GGA2: variants seen among roughly 807,000 people sequenced by gnomAD.
The protein encoded by GGA2 is ADP-ribosylation factor-binding protein GGA2.
A neutral mutation model predicts 79.5 loss-of-function variants in GGA2; 48 were observed. The ratio of observed to expected loss-of-function variants is 0.60; its 90% CI spans 0.48 to 0.77. GGA2 has a LOEUF of 0.77. Among genes scored for constraint, GGA2 ranks in the 30% least tolerant of loss-of-function variants. The pLI is 0.00. For missense variants in GGA2, 770 were observed against 774.0 expected (o/e 0.99, Z 0.06); for synonymous variants, 317 against 302.0 (o/e 1.05, Z -0.51).
In GGA2 at chr16:23,499,248, G is replaced by A. The variant is rs571403105; in HGVS notation, c.92-3470C>T. 2.6e-5 allele frequency among the ~76,000 whole-genome samples: 4 copies of A among 151,622 alleles called. No individual in the cohort carries two copies. In the East Asian group the frequency reaches 5.9e-4, roughly 22 times the overall value. On this transcript the variant is annotated intron_variant, in intron 1 of 16. Transcript: ENST00000309859. ...CAACCTCCGCCTCCCGGGTTCAAGCGATTCTCCGGCCTCAGCCTCTAGAGT... is the reference window on the plus strand; with the variant it reads ...CAACCTCCGCCTCCCGGGTTCAAGCAATTCTCCGGCCTCAGCCTCTAGAGT...
At chr16:23,492,465 TA>T (rs1192535084) in intron 4 of GGA2, among the ~76,000 whole-genome samples, 2 of 151,678 alleles carry the variant, frequency 1.3e-5, no homozygotes, top group Non-Finnish European at 2.9e-5. Flanking sequence ...CAATGATGTG[TA>T]AAAAAACAAA....
intron 1 of GGA2, chr16:23,521,690 AC>A: frequency 2.2e-6 from 1 of 455,100 alleles, no homozygotes; most frequent in South Asian, 1.5e-5. Flanking sequence ...TCCTTTTGTG[AC>A]TGACATTTCA....
At chr16:23,474,380 C>A (rs536838504) in intron 14 of GGA2, among the ~76,000 whole-genome samples, 1 of 150,896 alleles carries the variant, frequency 6.6e-6, no homozygotes, top group Non-Finnish European at 1.5e-5. Context: ...TTTTTGGAGA[C>A]GGAGTCTCAC....
chr16:23,483,308 A>G (rs1596983566), intron 8 of GGA2, among the ~76,000 whole-genome samples: 1 of 152,186 alleles, frequency 6.6e-6, no homozygotes. Flanking sequence ...GGAGTTCAAG[A>G]CCAGCCTGGC....
Position 23,516,101 on chromosome 16 carries a change from G to A in GGA2, c.61+3486C>T, listed in dbSNP as rs936387536. The stretch of plus-strand genomic sequence containing the variant: ...CAGCCCACTGCAGCCTCAACTGCCT[G>A]GGCTCAAGTGATCCTCCCGCCTCAG... On this transcript the variant is annotated intron_variant, in intron 2 of 5. Coordinates refer to the GGA2 transcript ENST00000569300. Among the ~76,000 whole-genome samples the A allele has an allele frequency of 1.2e-4, 18 of 151,446 alleles. 1 individual carries two copies. The highest frequency in any genetic ancestry group is 6.6e-5 in the Admixed American group (1 of 15,200).
chr16:23,498,677 G>A (rs1442505045), intron 1 of GGA2, among the ~76,000 whole-genome samples: 7 of 152,184 alleles, frequency 4.6e-5, no homozygotes, highest in Admixed American at 2.6e-4. Context: ...GCAGTAAGAG[G>A]TCTACAAAGG....
intron 2 of GGA2, among the ~76,000 whole-genome samples, chr16:23,518,551 G>A (rs1780555834): frequency 6.6e-6 from 1 of 152,204 alleles, no homozygotes; most frequent in African/African-American, 2.4e-5. Flanking sequence ...ACACATGTCA[G>A]TCATCTGTCC....
chr16:23,478,386 T>A lies in GGA2; in HGVS notation c.1274A>T (p.Gln425Leu). 1 of 1,604,580 alleles carries A rather than the reference T, an allele frequency of 6.2e-7. No homozygotes were observed. Residue 425 changes from glutamine (Q) to leucine (L), a missense_variant, in exon 13 of 17, where the codon CAG becomes CTG. By Grantham distance (113) the Gln-to-Leu change is moderately radical (BLOSUM62 -2). Coordinates refer to ENST00000309859, the MANE Select transcript of GGA2 (RefSeq NM_015044.4). Reference sequence around the variant, plus strand: ...GACTCACAGAGGGCACGGAGCTGGCTGTGCTGAGAGGAGGTCCAGCAAATT... The same window carrying A: ...GACTCACAGAGGGCACGGAGCTGGCAGTGCTGAGAGGAGGTCCAGCAAATT... ...DRNLLDLLSA[Q>L]PAPCPLNYVS...
intron 1 of GGA2, among the ~76,000 whole-genome samples, chr16:23,507,883 A>C (rs1356572487): frequency 6.6e-6 from 1 of 151,898 alleles, no homozygotes; most frequent in East Asian, 1.9e-4. Context: ...GCTTGAGCCC[A>C]GGAGAGGGGT....
At chr16:23,469,942 C>A in intron 15 of GGA2, 54 bp downstream of exon 15, 1 of 1,310,732 alleles carries the variant, frequency 7.6e-7, no homozygotes, top group Admixed American at 2.6e-5. Flanking sequence ...CAGAAAAGAA[C>A]CTGGCACTCA....
chr16:23,510,870 CGTGTGT>C (rs146414672), upstream of GGA2, among the ~76,000 whole-genome samples: 14 of 129,470 alleles, frequency 1.1e-4, no homozygotes, highest in African/African-American at 4.7e-4. Context: ...CCACGCCTGG[CGTGTGT>C]GTGTGTGTGT....
Position 23,494,289 on chromosome 16 carries a change from C to T in GGA2, c.252+14G>A. 6.4e-7 allele frequency: 1 copy of T among 1,565,576 alleles called. No individual in the cohort carries two copies. Among genetic ancestry groups the T allele is most frequent in the Admixed American group, 1.7e-5 (1 of 59,978 alleles). ...GGACAGGAAAGGTTAGGCTACAAGG[C>T]AAGCCAAACTCACCGTTAAGGCATA... On this transcript the variant is annotated intron_variant, in intron 3 of 16. Transcript: ENST00000309859.
intron 1 of GGA2, among the ~76,000 whole-genome samples, chr16:23,508,672 C>T (rs1191824796): frequency 6.6e-6 from 1 of 152,136 alleles, no homozygotes; most frequent in Non-Finnish European, 1.5e-5. Context: ...TCTTTCCAAA[C>T]CTCTGCTCTT....
At chr16:23,519,587 C>T in exon 2 of GGA2, 1 of 414,482 alleles carries the variant, frequency 2.4e-6, no homozygotes, top group East Asian at 9.0e-5. Context: ...GATGATTTAC[C>T]TTCAGGGCTA....
chr16:23,486,460 C>T (rs909973675), intron 7 of GGA2, among the ~76,000 whole-genome samples: 3 of 152,178 alleles, frequency 2.0e-5, no homozygotes, highest in African/African-American at 7.2e-5. Context: ...GGGACCCAAG[C>T]TGGTGTCTAG....
At chr16:23,517,067 A>C (rs1193194449) in intron 2 of GGA2, among the ~76,000 whole-genome samples, 1 of 152,128 alleles carries the variant, frequency 6.6e-6, no homozygotes, top group Admixed American at 6.5e-5. Context: ...GTACGATAAT[A>C]AATCTTATTT....
Position 23,482,925 on chromosome 16 carries a change from A to G in GGA2, c.878T>C (p.Leu293Pro), listed in dbSNP as rs1964665737. 1.3e-6 allele frequency: 2 copies of G among 1,595,558 alleles called. No individual in the cohort carries two copies. The highest frequency in any genetic ancestry group is 2.2e-5 in the South Asian group (2 of 90,688). ...ACACCCAAGGAAAGAAAACTTACCG[A>G]GTGCATCATCGTCATCAGTGGTGTC... The part of the protein sequence containing the change: ...ASDTTDDDDA[L>P]AEILQANDLL... Residue 293 changes from leucine to proline, a missense_variant and splice_region_variant, in exon 9 of 17, where the codon CTC becomes CCC. Physicochemically the swap from Leu to Pro is moderately conservative, Grantham distance 98. Transcript: ENST00000309859.
At chr16:23,511,605 A>T (rs1341116660), upstream of GGA2, among the ~76,000 whole-genome samples, 1 of 151,464 alleles carries the variant, frequency 6.6e-6, no homozygotes, top group Non-Finnish European at 1.5e-5. Flanking sequence ...TTCCTGGAAC[A>T]CTTCTAAACT....
intron 10 of GGA2, 115 bp downstream of exon 10, chr16:23,480,530 G>A (rs760483225): frequency 1.2e-6 from 1 of 869,248 alleles, no homozygotes; most frequent in Non-Finnish European, 1.8e-6. Flanking sequence ...GGGAACAAAG[G>A]GCGAGTTCTC....
Sources: gnomAD v4.1 joint callset for allele counts (sites outside exome capture counted in the v4.1 genomes callset) on GRCh38, gnomAD v4.1.1 for gene constraint, MANE v1.5 for transcripts, NCBI Gene and HGNC (gene_info 2026-07-23, HGNC 2026-07-21) for gene names.